ASCC3: variants seen among roughly 807,000 people sequenced by gnomAD.
ASCC3 encodes activating signal cointegrator 1 complex subunit 3, also known as ASC-1 complex subunit P200.
Under a neutral mutation model 256.3 loss-of-function variants are expected in ASCC3, and 158 were observed. The observed-to-expected ratio is 0.62, with a 90% CI of 0.54 to 0.70. The LOEUF is 0.70. Ranked by LOEUF, ASCC3 falls within the 30% of genes least tolerant of loss-of-function variation. The pLI, the probability that ASCC3 is intolerant of heterozygous loss-of-function variation, is 0.00. For missense variants in ASCC3, 2,259 were observed against 2,626.0 expected, an observed-to-expected ratio of 0.86 and a Z score of 3.05; for synonymous variants, 948 against 883.4, an observed-to-expected ratio of 1.07 and a Z score of -1.30.
At position 100,642,763 on chromosome 6, in the gene ASCC3, C is replaced by T. The variant is rs751141833; in HGVS notation, c.3733-14G>A. ...TTTACTAATGACCTAATATGAAATA[C>T]AGTCAAAAATAAATATGGATATTCT... On this transcript the variant is annotated splice_polypyrimidine_tract_variant and intron_variant, in intron 23 of 41. Transcript: ENST00000369162. 5.0e-6 allele frequency: 8 copies of T among 1,600,952 alleles called. No homozygotes were observed. The African/African-American group carries it at 5.4e-5, about 11-fold the overall frequency.
intron 36 of ASCC3, among the ~76,000 whole-genome samples, chr6:100,571,812 T>C (rs761155168): frequency 5.3e-5 from 8 of 152,214 alleles, no homozygotes; most frequent in Non-Finnish European, 8.8e-5. Context: ...GACTAGATGA[T>C]AGATAAGCTA....
intron 36 of ASCC3, among the ~76,000 whole-genome samples, chr6:100,577,298 T>G (rs924839236): frequency 3.3e-5 from 5 of 152,040 alleles, no homozygotes; most frequent in Non-Finnish European, 5.9e-5. Context: ...ATAAATCAGA[T>G]GGAACCTCCT....
intron 4 of ASCC3, among the ~76,000 whole-genome samples, chr6:100,834,277 G>C (rs1771770773): frequency 6.6e-6 from 1 of 152,138 alleles, no homozygotes; most frequent in African/African-American, 2.4e-5. Flanking sequence ...AAAATGCTTA[G>C]AATATTTCAA....
At chr6:100,795,044 G>C (rs934727519) in intron 8 of ASCC3, among the ~76,000 whole-genome samples, 2 of 152,054 alleles carry the variant, frequency 1.3e-5, no homozygotes, top group Non-Finnish European at 2.9e-5. Flanking sequence ...TGATAATGAG[G>C]ATATACAAGT....
chr6:100,858,919 C>G, intron 3 of ASCC3: 1 of 573,390 alleles, frequency 1.7e-6, no homozygotes, highest in Non-Finnish European at 3.1e-6. Flanking sequence ...TTATTATATG[C>G]CTTTAACCTC....
chr6:100,814,200 T>C (rs149670979), intron 4 of ASCC3, among the ~76,000 whole-genome samples: 2 of 152,152 alleles, frequency 1.3e-5, no homozygotes, highest in Non-Finnish European at 2.9e-5. Flanking sequence ...GAGGTAAGCA[T>C]GTGGTTTTTG....
At chr6:100,833,942 GTGGTGCGTGCCTGTAA>G (rs1438258764) in intron 4 of ASCC3, among the ~76,000 whole-genome samples, 1 of 152,120 alleles carries the variant, frequency 6.6e-6, no homozygotes, top group African/African-American at 2.4e-5. Context: ...GCCAGGCGTG[GTGGTGCGTGCCTGTAA>G]TCCCAGTTAC....
chr6:100,608,517 AC>A lies in ASCC3; in HGVS notation c.4786-1430del, dbSNP rs1329112773. 1.8e-3 allele frequency among the ~76,000 whole-genome samples: 11 copies of A among 6,270 alleles called. 1 individual carries two copies. The highest frequency in any genetic ancestry group is 0.015 in the Admixed American group (2 of 132). 4.1% of individuals were successfully genotyped at this position (6,270 alleles called of 152,430 possible). A position where few individuals can be genotyped will look rare whatever the true frequency, so the allele number is the denominator to read the frequency against. On this transcript the variant is annotated intron_variant, in intron 30 of 41. Transcript: ENST00000369162. The stretch of plus-strand genomic sequence containing the variant: ...TTATATATATATACTTTATATATAT[AC>A]TTTATATATATATACTTTATATATA...
Position 100,671,217 on chromosome 6 carries a change from G to C in ASCC3, c.2286+8401C>G, listed in dbSNP as rs559057139. Among the ~76,000 whole-genome samples, 9 of 152,138 alleles carry C rather than the reference G, an allele frequency of 5.9e-5. No individual in the cohort carries two copies. In the South Asian group the frequency reaches 1.9e-3, roughly 32 times the overall value. On this transcript the variant is annotated intron_variant, in intron 14 of 41. Transcript: ENST00000369162. ...TATTTGGAGAAATGAAGGACAAAGA[G>C]ATGGTTAAGACCATAAATTATGGAG...
chr6:100,781,956 A>C (rs140489622), intron 8 of ASCC3, among the ~76,000 whole-genome samples: 213 of 152,036 alleles, frequency 1.4e-3, no homozygotes, highest in Admixed American at 2.9e-3. Flanking sequence ...ATATCTCTCT[A>C]TATATATTAT....
At chr6:100,821,265 C>T (rs1438617937) in intron 4 of ASCC3, among the ~76,000 whole-genome samples, 1 of 152,156 alleles carries the variant, frequency 6.6e-6, no homozygotes, top group Non-Finnish European at 1.5e-5. Flanking sequence ...ACCCTCCTGT[C>T]TCAGCCTCGC....
chr6:100,517,859 C>T (rs1774110550), intron 38 of ASCC3, 132 bp downstream of exon 38: 2 of 1,040,998 alleles, frequency 1.9e-6, no homozygotes, highest in South Asian at 1.5e-5. Flanking sequence ...ATGTCTCACT[C>T]TGGGAAACAG....
chr6:100,610,978 G>A (rs900460492), intron 30 of ASCC3, among the ~76,000 whole-genome samples: 1 of 152,084 alleles, frequency 6.6e-6, no homozygotes, highest in African/African-American at 2.4e-5. Context: ...ACTTACATAA[G>A]TATATATAAC....
intron 8 of ASCC3, among the ~76,000 whole-genome samples, chr6:100,786,534 T>G (rs2114282591): frequency 6.6e-6 from 1 of 152,328 alleles, no homozygotes; most frequent in Admixed American, 6.5e-5. Context: ...CCAAATATTT[T>G]ATCCTTTGCA....
Position 100,603,140 on chromosome 6 carries a change from G to A in ASCC3, c.5178-1205C>T, listed in dbSNP as rs150210969. ...ACGTTATACATAAGAGGAGAAAACT[G>A]GAAATTCTCTAGGTGCACATTAATA... On this transcript the variant is annotated intron_variant, in intron 33 of 41. Coordinates refer to ENST00000369162, the MANE Select transcript of ASCC3 (RefSeq NM_006828.4). Among the ~76,000 whole-genome samples the A allele has an allele frequency of 2.4e-3, 366 of 151,658 alleles. 1 individual carries two copies. Among genetic ancestry groups the A allele is most frequent in the African/African-American group, 8.6e-3 (354 of 41,390 alleles).
intron 14 of ASCC3, among the ~76,000 whole-genome samples, chr6:100,675,536 C>G (rs1308438749): frequency 1.3e-5 from 2 of 152,092 alleles, no homozygotes; most frequent in Non-Finnish European, 2.9e-5. Context: ...TAGGCAAAGA[C>G]TAAAGCTGAA....
chr6:100,697,418 A>C (rs199791871), intron 13 of ASCC3, among the ~76,000 whole-genome samples: 964 of 27,830 alleles, frequency 0.035, 6 homozygotes, highest in East Asian at 0.19. Context: ...GAGACACACA[A>C]AAAAAAAGAG....
At chr6:100,548,307 C>A (rs534896470) in intron 36 of ASCC3, among the ~76,000 whole-genome samples, 1 of 151,932 alleles carries the variant, frequency 6.6e-6, no homozygotes, top group Non-Finnish European at 1.5e-5. Flanking sequence ...ATTCTACTAT[C>A]TATGCATAAT....
intron 4 of ASCC3, among the ~76,000 whole-genome samples, chr6:100,807,642 T>G (rs1480185261): frequency 6.6e-6 from 1 of 151,936 alleles, no homozygotes; most frequent in Non-Finnish European, 1.5e-5. Context: ...TAGTAATGAT[T>G]GTATTCTTCA....
Sources: allele counts gnomAD v4.1 joint callset (sites outside exome capture counted in the v4.1 genomes callset), GRCh38; gene constraint gnomAD v4.1.1; transcripts MANE v1.5; gene names NCBI Gene and HGNC (gene_info 2026-07-23, HGNC 2026-07-21).